Variants in INTS8 observed in about 807,000 individuals in gnomAD.
INTS8 encodes protein kaonashi-1.
INTS8 carries 47 observed loss-of-function variants against 138.9 expected under a neutral mutation model. The observed-to-expected ratio is 0.34, with a 90% CI of 0.27 to 0.43. INTS8 has a LOEUF of 0.43. Among genes scored for constraint, INTS8 ranks in the 20% least tolerant of loss-of-function variants. The probability of loss-of-function intolerance (pLI) is 1.00; values close to 1 mark genes in which losing one functional copy is unlikely to be tolerated. For synonymous variants in INTS8, 392 were observed against 400.9 expected (o/e 0.98, Z 0.27); for missense variants, 996 against 1,173.0 (o/e 0.85, Z 2.20).
At chr8:94,842,255 A>AT in intron 9 of INTS8, 92 bp from the exon 10 acceptor site, 1 of 759,770 alleles carries the variant, frequency 1.3e-6, no homozygotes, top group Admixed American at 3.1e-5. Flanking sequence ...TCTTAAGAAT[A>AT]AATGGCTCAT....
chr8:94,826,157 AACATTGTTAAGAC>A (rs1261968331), intron 2 of INTS8, among the ~76,000 whole-genome samples: 2 of 152,238 alleles, frequency 1.3e-5, no homozygotes, highest in African/African-American at 4.8e-5. Context: ...GTGCAGTATA[AACATTGTTAAGAC>A]ACATGAATAT....
At chr8:94,827,164 T>G (rs2130991154) in intron 2 of INTS8, 99 bp from the exon 3 acceptor site, 1 of 1,064,450 alleles carries the variant, frequency 9.4e-7, no homozygotes, top group Non-Finnish European at 1.4e-6. Context: ...TGTGGTTCCT[T>G]AACAATGTAG....
chr8:94,836,950 A>G (rs1257910108), intron 7 of INTS8, among the ~76,000 whole-genome samples: 1 of 152,060 alleles, frequency 6.6e-6, no homozygotes, highest in Non-Finnish European at 1.5e-5. Context: ...AAGTACTCTG[A>G]TTTACTTCAT....
chr8:94,851,404 T>A (rs1815540184), intron 12 of INTS8, 149 bp from the exon 13 acceptor site: 1 of 430,320 alleles, frequency 2.3e-6, no homozygotes, highest in Non-Finnish European at 3.9e-6. Context: ...AAAGTTAATG[T>A]GTAATTTATA....
chr8:94,869,743 G>A (rs923393686), intron 20 of INTS8, among the ~76,000 whole-genome samples: 20 of 151,882 alleles, frequency 1.3e-4, no homozygotes, highest in Non-Finnish European at 2.4e-4. Context: ...TGCCTACCTC[G>A]GCCTCCCAAA....
intron 17 of INTS8, 50 bp from the exon 18 acceptor site, chr8:94,866,108 A>T: frequency 1.3e-6 from 1 of 783,254 alleles, no homozygotes; most frequent in Non-Finnish European, 2.1e-6. Context: ...TCTTGATTTT[A>T]TTTTTTATTT....
Position 94,851,608 on chromosome 8 carries a change from T to C in INTS8, c.1563T>C (p.Asp521=). 6.2e-6 allele frequency: 10 copies of C among 1,602,438 alleles called. No homozygotes were observed. Among genetic ancestry groups the C allele is most frequent in the Non-Finnish European group, 8.5e-6 (10 of 1,175,350 alleles). Residue 521 remains aspartate, a synonymous_variant, in exon 13 of 27, where the codon GAT becomes GAC. Transcript: ENST00000523731. The part of the protein sequence containing the change: ...QLEHQLILSV[D]PWRIRQILIE... The stretch of plus-strand genomic sequence containing the variant: ...AGCATCAACTTATATTGTCAGTGGA[T>C]CCTTGGAGGATTAGACAAATTTTAA...
intron 10 of INTS8, among the ~76,000 whole-genome samples, chr8:94,848,013 C>CTTTTTTTTTTTTTTTTTTTTTTTTTTTT (rs58388097): frequency 7.7e-6 from 1 of 129,998 alleles, no homozygotes; most frequent in Non-Finnish European, 1.7e-5. Flanking sequence ...TAAAACACTG[C>CTTTTTTTTTTTTTTTTTTTTTTTTTTTT]TTTTTTTTTT....
At chr8:94,868,353 A>G (rs532424610) in intron 20 of INTS8, among the ~76,000 whole-genome samples, 2 of 152,314 alleles carry the variant, frequency 1.3e-5, no homozygotes, top group Non-Finnish European at 2.9e-5. Context: ...TTTGAAGAAG[A>G]AAAGATTTCG....
intron 5 of INTS8, among the ~76,000 whole-genome samples, chr8:94,831,629 C>T (rs1355297440): frequency 6.6e-6 from 1 of 151,952 alleles, no homozygotes; most frequent in African/African-American, 2.4e-5. Context: ...TTACAGGCGT[C>T]TGCCCCCATG....
At chr8:94,837,975 T>A (rs1814991234) in intron 7 of INTS8, among the ~76,000 whole-genome samples, 2 of 151,872 alleles carry the variant, frequency 1.3e-5, no homozygotes. Flanking sequence ...GAGCAATAGT[T>A]TTTTGACCCC....
intron 2 of INTS8, among the ~76,000 whole-genome samples, 171 bp from the exon 3 acceptor site, chr8:94,827,092 G>A (rs1435934355): frequency 2.0e-5 from 3 of 152,204 alleles, no homozygotes; most frequent in African/African-American, 7.2e-5. Flanking sequence ...GCGACAGAGC[G>A]AGACTCTGTC....
intron 14 of INTS8, among the ~76,000 whole-genome samples, chr8:94,855,296 A>G (rs1485880900): frequency 1.3e-5 from 2 of 152,244 alleles, no homozygotes; most frequent in East Asian, 1.9e-4. Context: ...GTCTAATTTC[A>G]ATGTGTAATC....
At chr8:94,860,579 CAAAAAAAAA>C (rs58945163) in intron 16 of INTS8, among the ~76,000 whole-genome samples, 15 of 39,462 alleles carry the variant, frequency 3.8e-4, no homozygotes, top group Admixed American at 1.8e-3. Flanking sequence ...AACTCTACCT[CAAAAAAAAA>C]AAAAAAAAAA....
chr8:94,866,331 C>A, intron 18 of INTS8, 140 bp downstream of exon 18: 1 of 634,984 alleles, frequency 1.6e-6, no homozygotes, highest in South Asian at 1.5e-5. Flanking sequence ...CTTGATCTGT[C>A]ACCCAAGCTG....
chr8:94,834,124 T>C (rs1393599171), intron 6 of INTS8, among the ~76,000 whole-genome samples: 1 of 152,152 alleles, frequency 6.6e-6, no homozygotes, highest in Non-Finnish European at 1.5e-5. Flanking sequence ...AAAAGAAAAA[T>C]TGTTATTTTT....
chr8:94,842,321 A>T, intron 9 of INTS8, 26 bp from the exon 10 acceptor site: 1 of 1,469,654 alleles, frequency 6.8e-7, no homozygotes, highest in Non-Finnish European at 9.3e-7. Flanking sequence ...AAATAACATT[A>T]GTTGATCTAC....
chr8:94,824,672 A>C (rs1209994589), intron 1 of INTS8, among the ~76,000 whole-genome samples: 2 of 140,172 alleles, frequency 1.4e-5, no homozygotes, highest in African/African-American at 2.7e-5. Context: ...CCTCCTTACC[A>C]CTCTTCCGCA....
intron 13 of INTS8, 27 bp downstream of exon 13, chr8:94,851,713 GA>G: frequency 6.5e-7 from 1 of 1,545,222 alleles, no homozygotes; most frequent in Non-Finnish European, 8.7e-7. Context: ...GAACAGATAA[GA>G]AAATTGCCCT....
Sources: gnomAD v4.1 joint callset for allele counts (sites outside exome capture counted in the v4.1 genomes callset) on GRCh38, gnomAD v4.1.1 for gene constraint, MANE v1.5 for transcripts, NCBI Gene and HGNC (gene_info 2026-07-23, HGNC 2026-07-21) for gene names.